The following CR1L variants were observed in gnomAD, a reference collection of about 807,000 sequenced individuals.
CR1L encodes the protein complement C3b/C4b receptor 1 like.
A neutral mutation model predicts 62.3 loss-of-function variants in CR1L; 59 were observed. The ratio of observed to expected loss-of-function variants is 0.95; its 90% confidence interval spans 0.77 to 1.18. CR1L has a LOEUF of 1.18. Ranked by LOEUF, CR1L falls within the 50% of genes most tolerant of loss-of-function variation. The pLI, the probability that CR1L is intolerant of heterozygous loss-of-function variation, is 0.00. For synonymous variants in CR1L, 279 were observed against 248.7 expected (o/e 1.12, Z -1.15); for missense variants, 700 against 702.8 (o/e 1.00, Z 0.04).
At chr1:207,673,638 T>A (rs566366383) in intron 1 of CR1L, among the ~76,000 whole-genome samples, 1 of 152,312 alleles carries the variant, frequency 6.6e-6, no homozygotes, top group East Asian at 1.9e-4. Flanking sequence ...CCCACTAGAA[T>A]GGCTAAAATG....
chr1:207,678,903 T>C (rs1663749309), intron 3 of CR1L, among the ~76,000 whole-genome samples: 1 of 152,094 alleles, frequency 6.6e-6, no homozygotes, highest in Non-Finnish European at 1.5e-5. Flanking sequence ...AACTCCAGTT[T>C]CTGTCTCTGT....
At chr1:207,723,578 T>C (rs1213115307) in intron 11 of CR1L, 40 bp from the exon 12 acceptor site, 1 of 1,496,796 alleles carries the variant, frequency 6.7e-7, no homozygotes, top group Non-Finnish European at 9.2e-7. Context: ...TCATGTTGCA[T>C]GCCAGAGTGA....
At chr1:207,697,971 G>GACACAC (rs140211440) in intron 7 of CR1L, 98 bp downstream of exon 7, 32 of 1,480,846 alleles carry the variant, frequency 2.2e-5, no homozygotes, top group Non-Finnish European at 2.8e-5. Context: ...AAGACAGACA[G>GACACAC]ACAGACACAC....
intron 1 of CR1L, among the ~76,000 whole-genome samples, chr1:207,664,659 TAA>T (rs1663485110): frequency 6.6e-6 from 1 of 152,230 alleles, no homozygotes; most frequent in Non-Finnish European, 1.5e-5. Context: ...AAGCATTTCA[TAA>T]AGTGTTTATA....
At position 207,679,245 on chromosome 1, in the gene CR1L, C is replaced by T. The variant is rs559854615; in HGVS notation, c.377+948C>T. ...GTCTCGATCTCCTGATCTCATGATC[C>T]GCCCACCTCCCGGCCTCCCAAAGTG... On this transcript the variant is annotated intron_variant, in intron 3 of 11. Coordinates refer to ENST00000508064, the MANE Select transcript of CR1L (RefSeq NM_175710.2). Among the ~76,000 whole-genome samples the T allele has an allele frequency of 9.4e-5, 14 of 148,876 alleles. No individual in the cohort carries two copies. In the South Asian group the frequency reaches 1.3e-3, roughly 14 times the overall value.
At chr1:207,669,655 G>A (rs55821028) in intron 1 of CR1L, 61,629 of 777,602 alleles carry the variant, frequency 0.079, 4,586 homozygotes, top group East Asian at 0.37. Flanking sequence ...GGGCTGCGCT[G>A]CTCTGCGCGC....
intron 1 of CR1L, among the ~76,000 whole-genome samples, chr1:207,662,879 G>A (rs1169273991): frequency 6.6e-6 from 1 of 152,214 alleles, no homozygotes; most frequent in African/African-American, 2.4e-5. Flanking sequence ...AGGACCCTCA[G>A]CTGCAGGTCT....
At chr1:207,666,308 C>T (rs77792203) in intron 1 of CR1L, among the ~76,000 whole-genome samples, 5,835 of 152,220 alleles carry the variant, frequency 0.038, 178 homozygotes, top group South Asian at 0.12. Flanking sequence ...TATAGTCCTA[C>T]GTGATTTACT....
At chr1:207,658,414 C>T (rs1218424389) in intron 1 of CR1L, 1 of 152,112 alleles carries the variant, frequency 6.6e-6, no homozygotes, top group African/African-American at 2.4e-5. Flanking sequence ...CACAAATTAA[C>T]CAATACTGAG....
intron 5 of CR1L, among the ~76,000 whole-genome samples, chr1:207,696,740 A>G (rs1219009732): frequency 2.0e-5 from 3 of 152,256 alleles, no homozygotes; most frequent in Non-Finnish European, 4.4e-5. Context: ...ACAGTTTTAT[A>G]TAATTTAGTT....
rs1663099440 is a variant in CR1L, at chr1:207,645,277, G to C, written c.44G>C (p.Arg15Pro). Residue 15 changes from arginine to proline, a missense_variant, in exon 1 of 12, where the codon CGC becomes CCC. Coordinates refer to ENST00000508064, the MANE Select transcript of CR1L (RefSeq NM_175710.2). ...VRLERPFPSR[R>P]FPGLLLAALV... is the part of the protein sequence containing the mutation. ...CTCGAGCGTCCCTTTCCTTCCCGGCGCTTTCCTGGGTTGCTTCTGGCGGCC... is the reference window on the plus strand; with the variant it reads ...CTCGAGCGTCCCTTTCCTTCCCGGCCCTTTCCTGGGTTGCTTCTGGCGGCC... The C allele has an allele frequency of 3.7e-6, 6 of 1,613,854 alleles. No individual in the cohort carries two copies. The highest frequency in any genetic ancestry group is 4.2e-6 in the Non-Finnish European group (5 of 1,180,022).
At chr1:207,700,606 A>G (rs1291824884) in intron 8 of CR1L, among the ~76,000 whole-genome samples, 1 of 152,248 alleles carries the variant, frequency 6.6e-6, no homozygotes, top group African/African-American at 2.4e-5. Context: ...AGTTTTTTAT[A>G]ATGGCCTGAA....
intron 11 of CR1L, among the ~76,000 whole-genome samples, chr1:207,718,363 C>T (rs190901344): frequency 3.7e-3 from 562 of 152,290 alleles, no homozygotes; most frequent in African/African-American, 0.013. Context: ...TGTGACTGCC[C>T]ACACAAGCTC....
rs370437126 is a variant in CR1L, at chr1:207,652,749, C to A, written c.97+7419C>A. The A allele has an allele frequency of 8.4e-3, 6,188 of 739,344 alleles. 262 individuals carry two copies. In the African/African-American group the frequency reaches 0.11, roughly 13 times the overall value. 45.8% of individuals were successfully genotyped at this position (739,344 alleles called of 1,614,324 possible). A position where few individuals can be genotyped will look rare whatever the true frequency, so the allele number is the denominator to read the frequency against. ...AGCCCTGTTATAGTAAATAAACTAGCCTTTTTTTTTTGTTTTCTGCTTGCT... is the reference window on the plus strand; with the variant it reads ...AGCCCTGTTATAGTAAATAAACTAGACTTTTTTTTTTGTTTTCTGCTTGCT... On this transcript the variant is annotated intron_variant, in intron 1 of 11. Coordinates refer to ENST00000508064, the MANE Select transcript of CR1L (RefSeq NM_175710.2).
In CR1L at chr1:207,693,779, G is replaced by A. The variant is rs115869550; in HGVS notation, c.464-574G>A. Among the ~76,000 whole-genome samples the A allele has an allele frequency of 5.9e-3, 897 of 151,514 alleles. 9 individuals carry two copies. The highest frequency in any genetic ancestry group is 0.021 in the African/African-American group (864 of 41,312). On this transcript the variant is annotated intron_variant, in intron 4 of 11. Transcript: ENST00000508064. ...TTTTTTTTTTTATTCTTACATGTTT[G>A]TTGGGTAATTCTAGCTTTCTAAATC...
chr1:207,718,125 A>G (rs1175479862), intron 11 of CR1L, among the ~76,000 whole-genome samples: 8 of 152,348 alleles, frequency 5.3e-5, no homozygotes, highest in African/African-American at 1.2e-4. Context: ...AAAGTAATTT[A>G]AGAAATTCAG....
intron 9 of CR1L, among the ~76,000 whole-genome samples, chr1:207,706,964 G>A (rs1664277039): frequency 6.6e-6 from 1 of 152,120 alleles, no homozygotes; most frequent in South Asian, 2.1e-4. Flanking sequence ...GAGAAAGCAG[G>A]AAAAGGTAGG....
intron 11 of CR1L, among the ~76,000 whole-genome samples, chr1:207,719,497 A>T (rs1654083461): frequency 6.6e-6 from 1 of 152,050 alleles, no homozygotes; most frequent in South Asian, 2.1e-4. Flanking sequence ...AAGTGAGACG[A>T]TCACTTGAGC....
At chr1:207,658,356 T>C (rs1571644391) in intron 1 of CR1L, 2 of 148,120 alleles carry the variant, frequency 1.4e-5, no homozygotes, top group South Asian at 4.2e-4. Context: ...TACTTGGAGA[T>C]CAATAAAATG....
Sources: gnomAD v4.1 joint callset for allele counts (sites outside exome capture counted in the v4.1 genomes callset) on GRCh38, gnomAD v4.1.1 for gene constraint, MANE v1.5 for transcripts, NCBI Gene and HGNC (gene_info 2026-07-23, HGNC 2026-07-21) for gene names.